DCT: variants seen among roughly 807,000 people sequenced by gnomAD.
DCT encodes L-dopachrome tautomerase.
Under a neutral mutation model 53.0 loss-of-function variants are expected in DCT, and 47 were observed. The ratio of observed to expected loss-of-function variants is 0.89; its 90% CI spans 0.70 to 1.13. The LOEUF (loss-of-function observed/expected upper bound fraction) is 1.13, where lower values mean the gene tolerates loss of function less well. Among genes scored for constraint, DCT ranks in the 50% most tolerant of loss-of-function variants. The pLI, the probability that DCT is intolerant of heterozygous loss-of-function variation, is 0.00. For missense variants in DCT, 669 were observed against 637.4 expected, an observed-to-expected ratio of 1.05 and a Z score of -0.53; for synonymous variants, 244 against 237.0, an observed-to-expected ratio of 1.03 and a Z score of -0.27.
the DCT span, among the ~76,000 whole-genome samples, chr13:94,502,789 G>A: frequency 5.3e-5 from 8 of 151,600 alleles, no homozygotes; most frequent in South Asian, 2.1e-4. Flanking sequence ...TCCTCTCCTC[G>A]CTGCACTCTC....
the DCT span, among the ~76,000 whole-genome samples, chr13:94,487,204 G>A: frequency 2.6e-5 from 4 of 152,180 alleles, no homozygotes; most frequent in African/African-American, 9.7e-5. Flanking sequence ...ATCGAATCAA[G>A]GACTACTATA....
chr13:94,499,335 T>G, the DCT span, among the ~76,000 whole-genome samples: 1 of 152,068 alleles, frequency 6.6e-6, no homozygotes. Flanking sequence ...AGGAACCAAT[T>G]CCAGACACAC....
At chr13:94,539,838 T>C in the DCT span, among the ~76,000 whole-genome samples, 1 of 152,088 alleles carries the variant, frequency 6.6e-6, no homozygotes, top group Non-Finnish European at 1.5e-5. Context: ...AAAAGTATGG[T>C]GTTGTCAGCA....
At chr13:94,492,601 G>C in the DCT span, among the ~76,000 whole-genome samples, 1 of 152,150 alleles carries the variant, frequency 6.6e-6, no homozygotes, top group Non-Finnish European at 1.5e-5. Flanking sequence ...AAGTTAGTTG[G>C]GGATGGGAAC....
Position 94,462,190 on chromosome 13 carries a change from C to T in DCT, c.864-1G>A. The T allele has an allele frequency of 5.0e-6, 8 of 1,608,978 alleles. No individual in the cohort carries two copies. Among genetic ancestry groups the T allele is most frequent in the Non-Finnish European group, 6.8e-6 (8 of 1,175,750 alleles). On this transcript the variant is annotated splice_acceptor_variant, in intron 4 of 7. Transcript: ENST00000377028. LOFTEE classifies it high-confidence loss of function. Reference sequence around the variant, plus strand: ...GACCAGGTGGTTGTAGTCATCCAAGCTAAGATTTGTAATAAGATTTAAAAT... The same window carrying T: ...GACCAGGTGGTTGTAGTCATCCAAGTTAAGATTTGTAATAAGATTTAAAAT...
chr13:94,524,137 C>A, the DCT span, among the ~76,000 whole-genome samples: 1 of 152,096 alleles, frequency 6.6e-6, no homozygotes, highest in African/African-American at 2.4e-5. Context: ...CAACTCAAGC[C>A]GAGCTATGAC....
chr13:94,531,583 G>A, the DCT span, among the ~76,000 whole-genome samples: 6 of 152,116 alleles, frequency 3.9e-5, no homozygotes, highest in East Asian at 1.9e-4. Flanking sequence ...AAGCTGGCTC[G>A]CCATATGTAG....
the DCT span, among the ~76,000 whole-genome samples, chr13:94,498,207 C>A: frequency 6.5e-3 from 986 of 152,306 alleles, 15 homozygotes; most frequent in African/African-American, 0.022. Context: ...CCTGGCTACT[C>A]CATCAGTGAG....
At chr13:94,452,739 G>T (rs907995707) in intron 6 of DCT, 8 of 639,256 alleles carry the variant, frequency 1.3e-5, no homozygotes, top group Non-Finnish European at 1.9e-5. Flanking sequence ...ATAAATCCAT[G>T]CAAAAGAATA....
At chr13:94,452,719 AC>A in intron 6 of DCT, 1 of 676,446 alleles carries the variant, frequency 1.5e-6, no homozygotes, top group South Asian at 1.7e-5. Context: ...TTAAAATAAT[AC>A]ATTTCAGGAT....
rs1218226145 is a variant in DCT, at chr13:94,439,440, C to A, written c.*458G>T. 1.3e-5 allele frequency: 2 copies of A among 153,116 alleles called. No homozygotes were observed. The highest frequency in any genetic ancestry group is 3.9e-4 in the East Asian group (2 of 5,194). 9.5% of individuals were successfully genotyped at this position (153,116 alleles called of 1,614,324 possible). ...ATCTTGGAGACTCATCTAGCACCTA[C>A]CAACTCCCACCTCCATGGCATTACC... On this transcript the variant is annotated 3_prime_UTR_variant, in exon 8 of 8. Transcript: ENST00000377028.
chr13:94,518,108 G>GGGAAGAAA, the DCT span, among the ~76,000 whole-genome samples: 14 of 125,270 alleles, frequency 1.1e-4, no homozygotes, highest in South Asian at 8.6e-4. Context: ...GGGAAACGAA[G>GGGAAGAAA]GGAAGGAAGG....
intron 6 of DCT, among the ~76,000 whole-genome samples, chr13:94,446,408 A>G (rs117070605): frequency 1.3e-5 from 2 of 152,174 alleles, no homozygotes; most frequent in African/African-American, 4.8e-5. Flanking sequence ...GAAATCACAC[A>G]CACTGTACAT....
chr13:94,486,444 G>A, the DCT span, among the ~76,000 whole-genome samples: 1 of 152,200 alleles, frequency 6.6e-6, no homozygotes, highest in East Asian at 1.9e-4. Flanking sequence ...GATTGAAGTT[G>A]AGAATAAGGG....
chr13:94,478,108 AGAG>A (rs1181750222), intron 1 of DCT, among the ~76,000 whole-genome samples: 2 of 152,174 alleles, frequency 1.3e-5, no homozygotes, highest in African/African-American at 4.8e-5. Context: ...GTTCAAGTCC[AGAG>A]AAGAGTGACA....
At chr13:94,511,361 T>C in the DCT span, among the ~76,000 whole-genome samples, 9 of 140,104 alleles carry the variant, frequency 6.4e-5, no homozygotes, top group East Asian at 1.9e-3. Context: ...TCTCTCTCTC[T>C]CTTTTTTTTT....
chr13:94,524,278 G>A, the DCT span, among the ~76,000 whole-genome samples: 3 of 152,368 alleles, frequency 2.0e-5, no homozygotes, highest in Admixed American at 1.3e-4. Flanking sequence ...CCTTCGGAAT[G>A]GCTGAAGAAT....
At chr13:94,547,983 AAAT>A in the DCT span, among the ~76,000 whole-genome samples, 296 of 111,856 alleles carry the variant, frequency 2.6e-3, 1 homozygote, top group Middle Eastern at 0.012. Flanking sequence ...AAAAAAAAAA[AAAT>A]ATATATATAT....
At chr13:94,521,900 T>C in the DCT span, among the ~76,000 whole-genome samples, 1 of 152,186 alleles carries the variant, frequency 6.6e-6, no homozygotes, top group Non-Finnish European at 1.5e-5. Context: ...ATACCTAACA[T>C]GTCCCAATCC....
Sources: allele counts gnomAD v4.1 joint callset (sites outside exome capture counted in the v4.1 genomes callset), GRCh38; gene constraint gnomAD v4.1.1; transcripts MANE v1.5; gene names NCBI Gene and HGNC (gene_info 2026-07-23, HGNC 2026-07-21).